TLX3: variants seen among roughly 807,000 people sequenced by gnomAD.
TLX3 encodes T cell leukemia homeobox 3, also known as T-cell leukemia homeobox protein 3.
TLX3 carries 11 observed loss-of-function variants against 19.6 expected under a neutral mutation model. The observed-to-expected ratio is 0.56, with a 90% CI of 0.35 to 0.93. The LOEUF (loss-of-function observed/expected upper bound fraction) is 0.93, where lower values mean the gene tolerates loss of function less well. TLX3 is among the 40% of genes least tolerant of loss of function. The probability of loss-of-function intolerance (pLI) is 0.01; values close to 1 mark genes in which losing one functional copy is unlikely to be tolerated. For missense variants in TLX3, 375 were observed against 418.6 expected, an observed-to-expected ratio of 0.90 and a Z score of 0.91; for synonymous variants, 221 against 188.1, an observed-to-expected ratio of 1.17 and a Z score of -1.43.
At position 171,311,285 on chromosome 5, in the gene TLX3, G is replaced by T. The variant is rs897434191; in HGVS notation, c.666-104G>T. 4 of 1,010,356 alleles carry T rather than the reference G, an allele frequency of 4.0e-6. No homozygotes were observed. Among genetic ancestry groups the T allele is most frequent in the Non-Finnish European group, 5.7e-6 (4 of 705,378 alleles). The allele number at this position is 1,010,356 out of a possible 1,614,324, so 62.6% of individuals were successfully genotyped here. Reference sequence around the variant, plus strand: ...GGGAGGCAGACGGGTTCTGCGCCTCGAGGCTCCCGGATGGCCTCGGCTCCC... The same window carrying T: ...GGGAGGCAGACGGGTTCTGCGCCTCTAGGCTCCCGGATGGCCTCGGCTCCC... On this transcript the variant is annotated intron_variant, in intron 2 of 2. Coordinates refer to ENST00000296921, the MANE Select transcript of TLX3 (RefSeq NM_021025.4). The surrounding 1 kb of genome is among the most constrained non-coding windows in gnomAD (Gnocchi z 5.1).
At position 171,311,419 on chromosome 5, in the gene TLX3, G is replaced by A. The variant is rs1160396236; in HGVS notation, c.696G>A (p.Glu232=). The part of the protein sequence containing the change: ...RRQTAEEREA[E]RQQASRLMLQ... The stretch of plus-strand genomic sequence containing the variant: ...AGACGGCGGAGGAGCGGGAGGCGGA[G>A]CGGCAGCAGGCGAGCCGGCTCATGC... Residue 232 remains glutamate, a synonymous_variant, in exon 3 of 3, where the codon GAG becomes GAA. Coordinates refer to ENST00000296921, the MANE Select transcript of TLX3 (RefSeq NM_021025.4). The surrounding 1 kb of genome is among the most constrained non-coding windows in gnomAD (Gnocchi z 5.1). 1.3e-6 allele frequency: 2 copies of A among 1,563,474 alleles called. No individual in the cohort carries two copies.
Position 171,309,604 on chromosome 5 carries a change from T to C in TLX3, c.239T>C (p.Leu80Pro). ...GACGCGGGATCTTACAGTGTGAACC[T>C]GAGCCTAGCGCCCGCAGGCGTGATC... ...FEDAGSYSVN[L>P]SLAPAGVIRV... Residue 80 changes from leucine to proline, a missense_variant, in exon 1 of 3, where the codon CTG (leucine) becomes CCG (proline). By Grantham distance (98) the Leu-to-Pro change is moderately conservative (BLOSUM62 -3). This residue lies in a region of TLX3 where 239 missense variants were observed against 217.0 expected (regional missense o/e 1.10). Coordinates refer to ENST00000296921, the MANE Select transcript of TLX3 (RefSeq NM_021025.4). 6.2e-7 allele frequency: 1 copy of C among 1,606,218 alleles called. No homozygotes were observed. Among genetic ancestry groups the C allele is most frequent in the South Asian group, 1.1e-5 (1 of 90,190 alleles).
In TLX3 at chr5:171,309,573, T is replaced by G. The variant is rs777695219; in HGVS notation, c.208T>G (p.Phe70Val). 4.4e-6 allele frequency: 7 copies of G among 1,593,462 alleles called. No homozygotes were observed. The African/African-American group carries it at 9.5e-5, about 22-fold the overall frequency. The change falls in exon 1 of 3, where the codon TTC becomes GTC. Residue 70 changes from phenylalanine (F) to valine (V), a missense_variant. Phe to Val is a conservative substitution (Grantham distance 50). Transcript: ENST00000296921. ...PASFAGLGAP[F>V]EDAGSYSVNL... is the part of the protein sequence containing the mutation. ...CTCCTTTGCGGGCCTCGGCGCGCCC[T>G]TCGAGGACGCGGGATCTTACAGTGT... is the stretch of plus-strand genomic sequence containing the variant.
chr5:171,310,588 C>T (rs1050122549), intron 2 of TLX3, among the ~76,000 whole-genome samples, 195 bp downstream of exon 2: 7 of 148,178 alleles, frequency 4.7e-5, no homozygotes, highest in Non-Finnish European at 7.4e-5. Context: ...GTGCTTCTCT[C>T]TCCATCGTGG....
Position 171,310,288 on chromosome 5 carries a change from G to T in TLX3, c.560G>T (p.Arg187Leu), listed in dbSNP as rs1036136896. 5 of 1,596,772 alleles carry T rather than the reference G, an allele frequency of 3.1e-6. No individual in the cohort carries two copies. The highest frequency in any genetic ancestry group is 4.6e-5 in the East Asian group (2 of 43,664). Residue 187 changes from arginine to leucine, a missense_variant, in exon 2 of 3, where the codon CGC becomes CTC. By Grantham distance (102) the Arg-to-Leu change is moderately radical. Transcript: ENST00000296921. ...TGCGAGCTGGAAAAGCGCTTCCATC[G>T]CCAGAAGTACCTGGCCTCTGCCGAG... ...QICELEKRFH[R>L]QKYLASAERA...
rs1357523237 is a variant in TLX3 at position 171,311,762 on chromosome 5, G to A, written c.*163G>A. On this transcript the variant is annotated 3_prime_UTR_variant, in exon 3 of 3. Transcript: ENST00000296921. This position sits in a 1 kb window ranked among gnomAD's most constrained non-coding sequence, Gnocchi z 5.1. ...CACAGACTGGCGGGCCGCGGAAGGGGGTAGGGCCCGAGCTCCGCGCGGCCG... is the reference window on the plus strand; with the variant it reads ...CACAGACTGGCGGGCCGCGGAAGGGAGTAGGGCCCGAGCTCCGCGCGGCCG... 1.0e-5 allele frequency: 5 copies of A among 486,352 alleles called. No homozygotes were observed. The highest frequency in any genetic ancestry group is 4.1e-5 in the African/African-American group (2 of 48,414). The allele number at this position is 486,352 out of a possible 1,614,324, so 30.1% of individuals were successfully genotyped here. A position where few individuals can be genotyped will look rare whatever the true frequency, so the allele number is the denominator to read the frequency against.
Position 171,311,721 on chromosome 5 carries a change from G to C in TLX3, c.*122G>C. ...GGGAAGGGGCCGCCTAGCCCGAGTA[G>C]GCCCCAGGGCGCGGCCACAGACTGG... On this transcript the variant is annotated 3_prime_UTR_variant, in exon 3 of 3. Coordinates refer to ENST00000296921, the MANE Select transcript of TLX3 (RefSeq NM_021025.4). The surrounding 1 kb of genome is among the most constrained non-coding windows in gnomAD (Gnocchi z 5.1). The C allele has an allele frequency of 1.3e-5, 9 of 693,666 alleles. No homozygotes were observed. Among genetic ancestry groups the C allele is most frequent in the Non-Finnish European group, 1.8e-5 (8 of 442,728 alleles). The allele number at this position is 693,666 out of a possible 1,614,324, so 43.0% of individuals were successfully genotyped here. A position where few individuals can be genotyped will look rare whatever the true frequency, so the allele number is the denominator to read the frequency against.
At position 171,310,310 on chromosome 5, in the gene TLX3, C is replaced by T. The variant is rs759375121; in HGVS notation, c.582C>T (p.Ala194=). Residue 194 remains alanine (A), a synonymous_variant, in exon 2 of 3, where the codon GCC becomes GCT. Transcript: ENST00000296921. ...ATCGCCAGAAGTACCTGGCCTCTGCCGAGAGGGCGGCGCTCGCCAAGTCCC... is the reference window on the plus strand; with the variant it reads ...ATCGCCAGAAGTACCTGGCCTCTGCTGAGAGGGCGGCGCTCGCCAAGTCCC... ...RFHRQKYLAS[A]ERAALAKSLK... 1 of 1,607,422 alleles carries T rather than the reference C, an allele frequency of 6.2e-7. No homozygotes were observed. Among genetic ancestry groups the T allele is most frequent in the Non-Finnish European group, 8.5e-7 (1 of 1,177,132 alleles).
chr5:171,310,086 C>T (rs529669837), intron 1 of TLX3, 64 bp from the exon 2 acceptor site: 4 of 1,490,846 alleles, frequency 2.7e-6, no homozygotes, highest in South Asian at 1.3e-5. Context: ...CCACGGGGTC[C>T]GCATGGGGCC....
In TLX3 at chr5:171,309,561, C is replaced by T. The variant is rs146976707; in HGVS notation, c.196C>T (p.Leu66Phe). The change falls in exon 1 of 3, where the codon CTC becomes TTC. Residue 66 changes from leucine to phenylalanine, a missense_variant. This residue lies in a region of TLX3 where 239 missense variants were observed against 217.0 expected (regional missense o/e 1.10). Transcript: ENST00000296921. ...YPSLPASFAG[L>F]GAPFEDAGSY... is the part of the protein sequence containing the mutation. ...GTCTCTGCCCGCCTCCTTTGCGGGC[C>T]TCGGCGCGCCCTTCGAGGACGCGGG... 1,537 of 1,583,672 alleles carry T rather than the reference C, an allele frequency of 9.7e-4. 12 individuals are homozygous for T. In the African/African-American group the frequency reaches 0.018, roughly 19 times the overall value.
Position 171,309,291 on chromosome 5 carries a change from G to C in TLX3, c.-75G>C, listed in dbSNP as rs1409852496. ...TTCAGTGCGACGAGAGGCGCCGGGC[G>C]CTCCATGGCCGCGCCGTAACGGGGA... On this transcript the variant is annotated 5_prime_UTR_variant, in exon 1 of 3. Coordinates refer to ENST00000296921, the MANE Select transcript of TLX3 (RefSeq NM_021025.4). The C allele has an allele frequency of 7.9e-7, 1 of 1,270,912 alleles. No individual in the cohort carries two copies. Among genetic ancestry groups the C allele is most frequent in the African/African-American group, 1.6e-5 (1 of 62,886 alleles). 78.7% of individuals were successfully genotyped at this position (1,270,912 alleles called of 1,614,324 possible). A position where few individuals can be genotyped will look rare whatever the true frequency, so the allele number is the denominator to read the frequency against.
chr5:171,311,469 A>C lies in TLX3; in HGVS notation c.746A>C (p.Gln249Pro). The C allele has an allele frequency of 6.2e-7, 1 of 1,607,360 alleles. No individual in the cohort carries two copies. The highest frequency in any genetic ancestry group is 1.1e-5 in the South Asian group (1 of 89,644). The part of the protein sequence containing the change: ...LMLQLQHDAF[Q>P]KSLNDSIQPD... ...CTGCAGCTGCAACACGACGCCTTCC[A>C]AAAGAGCCTCAACGACTCCATCCAG... The change falls in exon 3 of 3, where the codon CAA (glutamine) becomes CCA (proline). Residue 249 changes from glutamine (Q) to proline (P), a missense_variant. Gln to Pro is a moderately conservative substitution (Grantham distance 76). Coordinates refer to ENST00000296921, the MANE Select transcript of TLX3 (RefSeq NM_021025.4). This position sits in a 1 kb window ranked among gnomAD's most constrained non-coding sequence, Gnocchi z 5.1.
chr5:171,310,079 C>A, intron 1 of TLX3, 71 bp from the exon 2 acceptor site: 1 of 1,483,272 alleles, frequency 6.7e-7, no homozygotes, highest in Non-Finnish European at 9.0e-7. Context: ...CGGGGCGCCA[C>A]GGGGTCCGCA....
chr5:171,309,327 T>C lies in TLX3; in HGVS notation c.-39T>C. 4.7e-5 allele frequency: 46 copies of C among 976,830 alleles called. No homozygotes were observed. The highest frequency in any genetic ancestry group is 2.8e-5 in the East Asian group (1 of 35,730). 60.5% of individuals were successfully genotyped at this position (976,830 alleles called of 1,614,324 possible). A position where few individuals can be genotyped will look rare whatever the true frequency, so the allele number is the denominator to read the frequency against. On this transcript the variant is annotated 5_prime_UTR_variant, in exon 1 of 3. Coordinates refer to ENST00000296921, the MANE Select transcript of TLX3 (RefSeq NM_021025.4). The stretch of plus-strand genomic sequence containing the variant: ...GCGCCGTAACGGGGACCCAGCCGCC[T>C]CCCCGCCCAGCCCAGCCCAGCCCTT...
chr5:171,309,264 G>A lies in TLX3; in HGVS notation c.-102G>A. ...GTCGGGCCCGCGCACTCTTGGCAAA[G>A]TTTCAGTGCGACGAGAGGCGCCGGG... On this transcript the variant is annotated 5_prime_UTR_variant, in exon 1 of 3. Coordinates refer to ENST00000296921, the MANE Select transcript of TLX3 (RefSeq NM_021025.4). 9.5e-7 allele frequency: 1 copy of A among 1,048,418 alleles called. No individual in the cohort carries two copies. Among genetic ancestry groups the A allele is most frequent in the South Asian group, 1.8e-5 (1 of 57,102 alleles). 64.9% of individuals were successfully genotyped at this position (1,048,418 alleles called of 1,614,324 possible). A position where few individuals can be genotyped will look rare whatever the true frequency, so the allele number is the denominator to read the frequency against.
At chr5:171,310,838 C>A (rs1173895733) in intron 2 of TLX3, among the ~76,000 whole-genome samples, 8 of 151,840 alleles carry the variant, frequency 5.3e-5, no homozygotes, top group African/African-American at 1.9e-4. Flanking sequence ...CTCGTGGACG[C>A]CGGTTTCCTC....
intron 1 of TLX3, 128 bp downstream of exon 1, chr5:171,309,914 C>G (rs1222008565): frequency 2.2e-6 from 3 of 1,338,736 alleles, no homozygotes; most frequent in Non-Finnish European, 3.0e-6. Flanking sequence ...GGCCCCAGGG[C>G]CCCGGGCAGC....
rs992093221 is a variant in TLX3, at chr5:171,309,626, G to A, written c.261G>A (p.Val87=). ...ACCTGAGCCTAGCGCCCGCAGGCGT[G>A]ATCCGGGTGCCGGCGCACAGGCCGC... ...SVNLSLAPAG[V]IRVPAHRPLP... The change falls in exon 1 of 3, where the codon GTG becomes GTA. Residue 87 remains valine (V), a synonymous_variant. Coordinates refer to ENST00000296921, the MANE Select transcript of TLX3 (RefSeq NM_021025.4). 6.2e-7 allele frequency: 1 copy of A among 1,607,788 alleles called. No homozygotes were observed. The highest frequency in any genetic ancestry group is 1.3e-5 in the African/African-American group (1 of 74,792).
intron 1 of TLX3, 144 bp downstream of exon 1, chr5:171,309,930 T>A: frequency 7.7e-7 from 1 of 1,300,560 alleles, no homozygotes; most frequent in Non-Finnish European, 1.0e-6. Flanking sequence ...GCAGCCGTGG[T>A]GGGGAGGGTA....
Sources: allele counts gnomAD v4.1 joint callset (sites outside exome capture counted in the v4.1 genomes callset), GRCh38; gene constraint gnomAD v4.1.1; regional missense constraint gnomAD v4.1.1; non-coding constraint Gnocchi (gnomAD v3.1); transcripts MANE v1.5; gene names NCBI Gene and HGNC (gene_info 2026-07-23, HGNC 2026-07-21).